Variants in GMDS observed in about 807,000 individuals in gnomAD.
The protein encoded by GMDS is GDP-mannose 4,6 dehydratase.
GMDS carries 20 observed loss-of-function variants against 49.9 expected under a neutral mutation model. That is an observed-to-expected ratio of 0.40 (90% CI 0.28 to 0.58). GMDS has a LOEUF of 0.58. GMDS is among the 20% of genes least tolerant of loss of function. The pLI is 0.42. For synonymous variants in GMDS, 177 were observed against 178.6 expected (o/e 0.99, Z 0.07); for missense variants, 362 against 481.4 (o/e 0.75, Z 2.32).
intron 7 of GMDS, among the ~76,000 whole-genome samples, chr6:1,875,627 G>GCT (rs1759004283): frequency 6.6e-6 from 1 of 151,942 alleles, no homozygotes; most frequent in African/African-American, 2.4e-5. Context: ...TGTTTTCAAT[G>GCT]GGTTTTTATC....
chr6:1,995,755 C>T (rs1443587310), intron 4 of GMDS, among the ~76,000 whole-genome samples: 1 of 152,186 alleles, frequency 6.6e-6, no homozygotes, highest in Non-Finnish European at 1.5e-5. Flanking sequence ...TGGCTCAGGG[C>T]ACGTGGCTTG....
intron 7 of GMDS, among the ~76,000 whole-genome samples, chr6:1,861,631 A>G (rs1367000732): frequency 6.6e-6 from 1 of 151,472 alleles, no homozygotes; most frequent in African/African-American, 2.4e-5. Context: ...AAAAAAAAAA[A>G]AGAAAAAAAA....
chr6:1,958,929 G>C (rs1437778809), intron 6 of GMDS, among the ~76,000 whole-genome samples: 1 of 152,138 alleles, frequency 6.6e-6, no homozygotes, highest in Non-Finnish European at 1.5e-5. Context: ...GTAATGATGG[G>C]GGTACACATT....
intron 6 of GMDS, among the ~76,000 whole-genome samples, chr6:1,959,479 AT>A (rs1245847921): frequency 6.6e-6 from 1 of 152,232 alleles, no homozygotes; most frequent in Admixed American, 6.5e-5. Context: ...AAGTCAAAAA[AT>A]AACATAGATC....
chr6:1,988,947 G>GT (rs1765747843), intron 4 of GMDS, among the ~76,000 whole-genome samples: 1 of 152,190 alleles, frequency 6.6e-6, no homozygotes, highest in Non-Finnish European at 1.5e-5. Context: ...GCAGTGAGCA[G>GT]TAAGAGCAGA....
rs1779024726 is a variant in GMDS at position 2,191,651 on chromosome 6, G to A, written c.102+53670C>T. On this transcript the variant is annotated intron_variant, in intron 1 of 10. Coordinates refer to ENST00000380815, the MANE Select transcript of GMDS (RefSeq NM_001500.4). The surrounding 1 kb of genome is among the most constrained non-coding windows in gnomAD (Gnocchi z 4.6). ...CCGGGGAGCTGTCACAGCCCAGCCA[G>A]GTATGTGAGGGTCCTGCCACCTCAG... Among the ~76,000 whole-genome samples the A allele has an allele frequency of 6.6e-6, 1 of 152,234 alleles. No homozygotes were observed. Among genetic ancestry groups the A allele is most frequent in the South Asian group, 2.1e-4 (1 of 4,838 alleles).
At chr6:2,097,795 G>T (rs1054847710) in intron 4 of GMDS, among the ~76,000 whole-genome samples, 3 of 152,058 alleles carry the variant, frequency 2.0e-5, no homozygotes, top group Non-Finnish European at 4.4e-5. Flanking sequence ...GGATCTTCTC[G>T]TAGCAAGGCA....
Position 1,908,345 on chromosome 6 carries a change from C to T in GMDS, c.771+21758G>A, listed in dbSNP as rs556165872. Among the ~76,000 whole-genome samples, 383 of 152,242 alleles carry T rather than the reference C, an allele frequency of 2.5e-3. 2 individuals carry two copies. The highest frequency in any genetic ancestry group is 8.6e-3 in the African/African-American group (356 of 41,544). ...GGTGAAACCGTGGAGAGTGAAACTG[C>T]GGATAGGAGGGGGCTACCGTACCAT... On this transcript the variant is annotated intron_variant, in intron 7 of 10. Coordinates refer to ENST00000380815, the MANE Select transcript of GMDS (RefSeq NM_001500.4).
chr6:1,651,730 T>C (rs1168340516), intron 9 of GMDS, among the ~76,000 whole-genome samples: 1 of 152,114 alleles, frequency 6.6e-6, no homozygotes, highest in African/African-American at 2.4e-5. Context: ...AACCTCTCCA[T>C]CCTTAGATAG....
intron 9 of GMDS, among the ~76,000 whole-genome samples, chr6:1,636,944 T>C: frequency 6.6e-6 from 1 of 152,184 alleles, no homozygotes; most frequent in Non-Finnish European, 1.5e-5. Flanking sequence ...CCGGAAGAAC[T>C]CTAACGGCCC....
chr6:2,023,992 C>T (rs973197398), intron 4 of GMDS, among the ~76,000 whole-genome samples: 2 of 152,050 alleles, frequency 1.3e-5, no homozygotes, highest in Non-Finnish European at 1.5e-5. Context: ...GATTAACCCA[C>T]ATCCAGATAT....
intron 6 of GMDS, among the ~76,000 whole-genome samples, chr6:1,934,888 C>T (rs1288713256): frequency 6.6e-6 from 1 of 152,144 alleles, no homozygotes; most frequent in African/African-American, 2.4e-5. Context: ...CGCACAGAGG[C>T]TGCACACCTG....
chr6:1,842,599 T>C (rs1456626913), intron 7 of GMDS, among the ~76,000 whole-genome samples: 1 of 152,246 alleles, frequency 6.6e-6, no homozygotes, highest in African/African-American at 2.4e-5. Flanking sequence ...GGGTCCTAGA[T>C]GACTCTGTAT....
intron 7 of GMDS, among the ~76,000 whole-genome samples, chr6:1,823,786 A>G (rs1770992661): frequency 2.0e-5 from 3 of 152,126 alleles, no homozygotes; most frequent in African/African-American, 7.2e-5. Context: ...TAGACTCCTG[A>G]TACTATGTTA....
At chr6:2,003,610 C>A (rs1183481173) in intron 4 of GMDS, among the ~76,000 whole-genome samples, 1 of 152,144 alleles carries the variant, frequency 6.6e-6, no homozygotes, top group Non-Finnish European at 1.5e-5. Context: ...TGCACAGGAC[C>A]TACCAATTTC....
At chr6:1,787,249 C>A (rs949013791) in intron 7 of GMDS, among the ~76,000 whole-genome samples, 14 of 152,092 alleles carry the variant, frequency 9.2e-5, no homozygotes, top group African/African-American at 3.1e-4. Flanking sequence ...CAAGACCAGT[C>A]AGAAAAATGA....
At chr6:1,913,177 C>G (rs540926913) in intron 7 of GMDS, among the ~76,000 whole-genome samples, 45 of 151,738 alleles carry the variant, frequency 3.0e-4, no homozygotes, top group Middle Eastern at 3.4e-3. Flanking sequence ...GTCAGGAGAT[C>G]GAGACCATCC....
At chr6:1,726,594 C>T (rs1766600646) in intron 8 of GMDS, 82 bp from the exon 9 acceptor site, 1 of 971,866 alleles carries the variant, frequency 1.0e-6, no homozygotes, top group South Asian at 1.3e-5. Context: ...GATGCCCCAG[C>T]CCTCTCCCCG....
At chr6:1,961,877 A>C (rs1053026011) in intron 4 of GMDS, among the ~76,000 whole-genome samples, 1 of 152,196 alleles carries the variant, frequency 6.6e-6, no homozygotes, top group African/African-American at 2.4e-5. Context: ...GTCCCCTGGC[A>C]CATGCAAATG....
Sources: gnomAD v4.1 joint callset for allele counts (sites outside exome capture counted in the v4.1 genomes callset) on GRCh38, gnomAD v4.1.1 for gene constraint, Gnocchi (gnomAD v3.1) non-coding constraint, MANE v1.5 for transcripts, NCBI Gene and HGNC (gene_info 2026-07-23, HGNC 2026-07-21) for gene names.